MITF: variants seen among roughly 807,000 people sequenced by gnomAD.
MITF encodes the protein microphthalmia-associated transcription factor.
MITF carries 17 observed loss-of-function variants against 60.5 expected under a neutral mutation model. The observed-to-expected ratio is 0.28, with a 90% CI of 0.19 to 0.42. MITF has a LOEUF of 0.42. MITF is among the 10% of genes least tolerant of loss of function. MITF has a pLI of 1.00. For missense variants in MITF, 622 were observed against 683.5 expected, an observed-to-expected ratio of 0.91 and a Z score of 1.00; for synonymous variants, 260 against 248.5, an observed-to-expected ratio of 1.05 and a Z score of -0.43.
chr3:69,892,154 AT>A (rs566676431), intron 2 of MITF, among the ~76,000 whole-genome samples: 1 of 151,922 alleles, frequency 6.6e-6, no homozygotes, highest in Non-Finnish European at 1.5e-5. Context: ...TCTATGTTTC[AT>A]TTTTTTTCTT....
chr3:69,939,255 C>G (rs1267266516), intron 4 of MITF, 74 bp downstream of exon 4: 2 of 1,347,386 alleles, frequency 1.5e-6, no homozygotes, highest in Non-Finnish European at 2.1e-6. Context: ...ATCACACCTT[C>G]CTGAAAACTT....
At chr3:69,919,215 A>G (rs960492471) in intron 2 of MITF, among the ~76,000 whole-genome samples, 1 of 152,228 alleles carries the variant, frequency 6.6e-6, no homozygotes, top group African/African-American at 2.4e-5. Flanking sequence ...TTGGCGATTG[A>G]AACCACTTGC....
intron 1 of MITF, among the ~76,000 whole-genome samples, chr3:69,752,808 G>T (rs1436294426): frequency 6.6e-6 from 1 of 152,150 alleles, no homozygotes; most frequent in East Asian, 1.9e-4. Flanking sequence ...TCATTTAAAA[G>T]TGTGTAGGAC....
intron 2 of MITF, among the ~76,000 whole-genome samples, chr3:69,922,674 TTTC>T (rs779739918): frequency 1.2e-4 from 19 of 152,200 alleles, no homozygotes; most frequent in Non-Finnish European, 2.5e-4. Context: ...AGTGGCCTAT[TTTC>T]TTTCTTATAA....
rs1302834790 is a variant in MITF at position 69,879,256 on chromosome 3, A to C, written c.227A>C (p.Gln76Pro). Residue 76 changes from glutamine (Q) to proline (P), a missense_variant, in exon 2 of 10, where the codon CAG (glutamine) becomes CCG (proline). Physicochemically the swap from Gln to Pro is moderately conservative, Grantham distance 76 (BLOSUM62 -1). Transcript: ENST00000352241. The stretch of plus-strand genomic sequence containing the variant: ...ATGCAGGAGCAGGAGCGCAGGGAGC[A>C]GCAGCAGAAGCTGCAGGCGGCCCAG... ...EQMQEQERRE[Q>P]QQKLQAAQFM... The C allele has an allele frequency of 6.2e-7, 1 of 1,614,118 alleles. No homozygotes were observed. Among genetic ancestry groups the C allele is most frequent in the Admixed American group, 1.7e-5 (1 of 60,008 alleles).
intron 1 of MITF, among the ~76,000 whole-genome samples, chr3:69,868,760 A>G (rs1395635063): frequency 1.3e-5 from 2 of 152,018 alleles, no homozygotes; most frequent in Admixed American, 6.6e-5. Context: ...TTAGCCAGGC[A>G]TGGTGTCCCG....
chr3:69,915,227 T>G (rs1260572424), intron 2 of MITF, among the ~76,000 whole-genome samples: 1 of 152,202 alleles, frequency 6.6e-6, no homozygotes, highest in African/African-American at 2.4e-5. Flanking sequence ...GATTGTAAGA[T>G]ACAGCCTAGA....
chr3:69,850,166 T>C (rs1273929454), intron 1 of MITF, among the ~76,000 whole-genome samples: 2 of 152,204 alleles, frequency 1.3e-5, no homozygotes, highest in Non-Finnish European at 2.9e-5. Flanking sequence ...ATATCATATT[T>C]ATGTTTATTT....
At chr3:69,892,613 A>C (rs2064784555) in intron 2 of MITF, among the ~76,000 whole-genome samples, 1 of 152,168 alleles carries the variant, frequency 6.6e-6, no homozygotes, top group South Asian at 2.1e-4. Flanking sequence ...GAAAAAAGCC[A>C]CTTTTCTTCA....
At chr3:69,871,348 A>G (rs2064232598) in intron 1 of MITF, among the ~76,000 whole-genome samples, 1 of 152,210 alleles carries the variant, frequency 6.6e-6, no homozygotes, top group Admixed American at 6.5e-5. Context: ...GACCAGAAGG[A>G]TGGATTTCCT....
At chr3:69,905,308 C>T (rs963123952) in intron 2 of MITF, among the ~76,000 whole-genome samples, 2 of 152,126 alleles carry the variant, frequency 1.3e-5, no homozygotes, top group African/African-American at 4.8e-5. Context: ...TGGCACGTAT[C>T]AATATCTCAT....
intron 1 of MITF, among the ~76,000 whole-genome samples, chr3:69,764,844 T>C (rs1442324887): frequency 6.6e-6 from 1 of 152,264 alleles, no homozygotes; most frequent in East Asian, 1.9e-4. Context: ...GTTTAGGATC[T>C]GTGTTATTTG....
intron 2 of MITF, among the ~76,000 whole-genome samples, chr3:69,888,446 C>G (rs1412285227): frequency 6.7e-6 from 1 of 150,092 alleles, no homozygotes; most frequent in Non-Finnish European, 1.5e-5. Context: ...GAAATCTTAC[C>G]TTGAGTACTT....
intron 6 of MITF, among the ~76,000 whole-genome samples, chr3:69,951,211 C>T (rs1401358415): frequency 1.3e-5 from 2 of 151,366 alleles, no homozygotes; most frequent in Non-Finnish European, 2.9e-5. Flanking sequence ...GATCCTCCCA[C>T]CTCAGCCTCC....
At chr3:69,768,085 C>T (rs1391394494) in intron 1 of MITF, among the ~76,000 whole-genome samples, 1 of 152,178 alleles carries the variant, frequency 6.6e-6, no homozygotes, top group African/African-American at 2.4e-5. Flanking sequence ...GTAAAGTAGA[C>T]ATGGTCTCTG....
In MITF at chr3:69,956,437, T is replaced by C. The variant is rs2066399238; in HGVS notation, c.956-18T>C. On this transcript the variant is annotated intron_variant, in intron 7 of 9. Coordinates refer to ENST00000352241, the MANE Select transcript of MITF (RefSeq NM_001354604.2). ...TGGCACTGTTACTAATAGCCTTTCCTGTGCTCTTTTCTTGAAGTTGAACGA... is the reference window on the plus strand; with the variant it reads ...TGGCACTGTTACTAATAGCCTTTCCCGTGCTCTTTTCTTGAAGTTGAACGA... 1 of 1,602,884 alleles carries C rather than the reference T, an allele frequency of 6.2e-7. No individual in the cohort carries two copies. The highest frequency in any genetic ancestry group is 1.3e-5 in the African/African-American group (1 of 74,732).
intron 1 of MITF, among the ~76,000 whole-genome samples, chr3:69,801,056 CTT>C (rs74944767): frequency 6.0e-4 from 84 of 140,766 alleles, no homozygotes; most frequent in African/African-American, 1.3e-3. Context: ...CCTTGTGTAA[CTT>C]TTTTTTTTTT....
chr3:69,910,687 G>A (rs749011878), intron 2 of MITF, among the ~76,000 whole-genome samples: 19 of 152,152 alleles, frequency 1.2e-4, no homozygotes, highest in South Asian at 2.1e-4. Context: ...TGACTGCTCC[G>A]CTGGATTTCA....
intron 2 of MITF, among the ~76,000 whole-genome samples, chr3:69,890,131 A>T (rs1559700091): frequency 6.6e-6 from 1 of 152,192 alleles, no homozygotes; most frequent in Non-Finnish European, 1.5e-5. Context: ...ACACAAAAAA[A>T]TTAGTCATTA....
Sources: gnomAD v4.1 joint callset for allele counts (sites outside exome capture counted in the v4.1 genomes callset) on GRCh38, gnomAD v4.1.1 for gene constraint, MANE v1.5 for transcripts, NCBI Gene and HGNC (gene_info 2026-07-23, HGNC 2026-07-21) for gene names.